Variants in CAST observed in about 807,000 individuals in gnomAD.
The protein encoded by CAST is calpastatin, also known as MIR583 host.
Under a neutral mutation model 119.6 loss-of-function variants are expected in CAST, and 76 were observed. That is an observed-to-expected ratio of 0.64 (90% CI 0.53 to 0.77). The LOEUF (loss-of-function observed/expected upper bound fraction) is 0.77. Among genes scored for constraint, CAST ranks in the 30% least tolerant of loss-of-function variants. CAST has a pLI of 0.00. For synonymous variants in CAST, 319 were observed against 331.6 expected (o/e 0.96, Z 0.41); for missense variants, 953 against 946.5 (o/e 1.01, Z -0.09).
chr5:96,456,814 T>C, the CAST span, among the ~76,000 whole-genome samples: 2 of 152,202 alleles, frequency 1.3e-5, no homozygotes, highest in Non-Finnish European at 2.9e-5. Flanking sequence ...CAGGTGGAGA[T>C]AACTGAATCA....
intron 1 of CAST, among the ~76,000 whole-genome samples, chr5:96,621,969 CTTT>C (rs35728460): frequency 4.4e-5 from 5 of 113,686 alleles, no homozygotes; most frequent in Non-Finnish European, 5.1e-5. Flanking sequence ...CTTTTTTTCT[CTTT>C]TTTTTTTTTT....
chr5:96,400,175 G>T, the CAST span: 3 of 1,613,624 alleles, frequency 1.9e-6, no homozygotes, highest in South Asian at 3.3e-5. Flanking sequence ...ATCTCGCCAG[G>T]TGAGATTTGG....
chr5:96,456,619 A>G, the CAST span, among the ~76,000 whole-genome samples: 5 of 152,234 alleles, frequency 3.3e-5, no homozygotes, highest in South Asian at 4.1e-4. Context: ...TACTTAAACA[A>G]TTGAGTGCCT....
At chr5:96,182,173 G>GT in the CAST span, among the ~76,000 whole-genome samples, 1,015 of 152,282 alleles carry the variant, frequency 6.7e-3, 8 homozygotes, top group African/African-American at 0.023. Flanking sequence ...TGTACTCCAT[G>GT]TTTTAGGTCC....
the CAST span, chr5:96,411,061 A>G: frequency 9.7e-7 from 1 of 1,029,892 alleles, no homozygotes; most frequent in Admixed American, 1.7e-5. Flanking sequence ...TAAAATCCCC[A>G]ACGACTACAT....
chr5:96,696,826 A>C (rs1042043753), intron 3 of CAST, among the ~76,000 whole-genome samples: 2 of 152,102 alleles, frequency 1.3e-5, no homozygotes, highest in African/African-American at 2.4e-5. Context: ...ACTGCACTCC[A>C]GCCTGGGCAA....
intron 9 of CAST, among the ~76,000 whole-genome samples, chr5:96,735,322 C>T (rs151834): frequency 0.22 from 33,861 of 152,186 alleles, 3,866 homozygotes; most frequent in East Asian, 0.35. Flanking sequence ...AGCCTGTGCT[C>T]TTCCTGTGCT....
At chr5:95,985,209 G>C in the CAST span, among the ~76,000 whole-genome samples, 3 of 152,148 alleles carry the variant, frequency 2.0e-5, no homozygotes, top group Non-Finnish European at 4.4e-5. Context: ...AGCTATTTAG[G>C]AGACGGAGGC....
chr5:96,180,168 T>C, the CAST span, among the ~76,000 whole-genome samples: 7 of 152,304 alleles, frequency 4.6e-5, no homozygotes, highest in African/African-American at 1.4e-4. Flanking sequence ...GCTCTCAGTA[T>C]AGTTACGAAT....
the CAST span, among the ~76,000 whole-genome samples, chr5:96,075,932 G>A: frequency 6.6e-6 from 1 of 152,174 alleles, no homozygotes; most frequent in East Asian, 1.9e-4. Flanking sequence ...GTTGAAAACA[G>A]GCTAAGGGGA....
the CAST span, among the ~76,000 whole-genome samples, chr5:96,154,969 C>A: frequency 6.6e-6 from 1 of 152,206 alleles, no homozygotes; most frequent in Non-Finnish European, 1.5e-5. Flanking sequence ...CCCACTTAAG[C>A]AGTGGGGAGC....
chr5:96,376,948 A>C, the CAST span, among the ~76,000 whole-genome samples: 1 of 152,130 alleles, frequency 6.6e-6, no homozygotes, highest in Admixed American at 6.5e-5. Context: ...TGATATTGAT[A>C]ATCCTGATTC....
chr5:96,262,036 T>C, the CAST span, among the ~76,000 whole-genome samples: 1 of 152,228 alleles, frequency 6.6e-6, no homozygotes, highest in African/African-American at 2.4e-5. Flanking sequence ...TAATAAATGA[T>C]CAAATTAACC....
the CAST span, among the ~76,000 whole-genome samples, chr5:96,274,200 C>T: frequency 6.6e-6 from 1 of 151,496 alleles, no homozygotes; most frequent in East Asian, 1.9e-4. Flanking sequence ...CTCCCGGGTT[C>T]GTGCCATTCT....
the CAST span, among the ~76,000 whole-genome samples, chr5:96,438,571 G>T: frequency 6.6e-6 from 1 of 151,994 alleles, no homozygotes; most frequent in Non-Finnish European, 1.5e-5. Context: ...CCTTAATTTT[G>T]GTTTGTCTGG....
intron 1 of CAST, among the ~76,000 whole-genome samples, chr5:96,550,687 G>A (rs752040142): frequency 4.6e-5 from 7 of 152,152 alleles, no homozygotes; most frequent in African/African-American, 7.2e-5. Context: ...TAGACGAATG[G>A]CTAACTAGAA....
the CAST span, among the ~76,000 whole-genome samples, chr5:96,446,490 T>C: frequency 6.6e-6 from 1 of 152,154 alleles, no homozygotes; most frequent in Non-Finnish European, 1.5e-5. Flanking sequence ...TTAACCAGGG[T>C]TCCCCAAGCT....
the CAST span, among the ~76,000 whole-genome samples, chr5:96,293,509 C>T: frequency 2.0e-5 from 3 of 151,996 alleles, no homozygotes; most frequent in Admixed American, 6.6e-5. Context: ...AACTCCTGAC[C>T]TTGTGATCTG....
chr5:96,471,764 C>CTG, the CAST span, among the ~76,000 whole-genome samples: 3,705 of 70,626 alleles, frequency 0.052, 43 homozygotes, highest in Non-Finnish European at 0.058. Flanking sequence ...CAAATGGAGT[C>CTG]TGTGTGTGTG....
Sources: allele counts gnomAD v4.1 joint callset (sites outside exome capture counted in the v4.1 genomes callset), GRCh38; gene constraint gnomAD v4.1.1; transcripts MANE v1.5; gene names NCBI Gene and HGNC (gene_info 2026-07-23, HGNC 2026-07-21).